The following MIA2 variants were observed in gnomAD, a reference collection of about 807,000 sequenced individuals.
MIA2 encodes the protein melanoma inhibitory activity protein 2.
Under a neutral mutation model 167.8 loss-of-function variants are expected in MIA2, and 127 were observed. The observed-to-expected ratio is 0.76, with a 90% CI of 0.66 to 0.88. The LOEUF (loss-of-function observed/expected upper bound fraction) is 0.88. Among genes scored for constraint, MIA2 ranks in the 40% least tolerant of loss-of-function variants. The pLI, the probability that MIA2 is intolerant of heterozygous loss-of-function variation, is 0.00. For synonymous variants in MIA2, 552 were observed against 541.9 expected (o/e 1.02, Z -0.26); for missense variants, 1,690 against 1,624.7 (o/e 1.04, Z -0.69).
intron 6 of MIA2, chr14:39,253,468 G>A (rs1371931030): frequency 4.0e-5 from 16 of 403,650 alleles, no homozygotes; most frequent in Non-Finnish European, 5.3e-5. Context: ...AGTTAACTCA[G>A]GAATAATAGG....
chr14:39,325,251 T>C (rs920140991), intron 24 of MIA2, among the ~76,000 whole-genome samples: 2 of 151,930 alleles, frequency 1.3e-5, no homozygotes, highest in Non-Finnish European at 2.9e-5. Context: ...TTTTTAAAGC[T>C]GTTCCTTGAG....
At chr14:39,248,378 A>G (rs1443330882) in intron 4 of MIA2, among the ~76,000 whole-genome samples, 5 of 152,082 alleles carry the variant, frequency 3.3e-5, no homozygotes, top group Admixed American at 3.3e-4. Context: ...GTATTTTACA[A>G]TAAATTTTAA....
intron 6 of MIA2, among the ~76,000 whole-genome samples, chr14:39,274,309 GTGTTA>G (rs1315500445): frequency 7.2e-5 from 11 of 152,062 alleles, no homozygotes; most frequent in African/African-American, 1.9e-4. Flanking sequence ...GTGAGATAGG[GTGTTA>G]TGTTGTAGAT....
intron 6 of MIA2, chr14:39,266,624 A>G (rs1200458846): frequency 2.0e-6 from 2 of 985,392 alleles, no homozygotes; most frequent in Non-Finnish European, 1.2e-6. Context: ...TCTAAAGTCC[A>G]AAGTCCGGAC....
At chr14:39,310,606 A>G (rs1210866295) in intron 18 of MIA2, among the ~76,000 whole-genome samples, 1 of 152,206 alleles carries the variant, frequency 6.6e-6, no homozygotes, top group African/African-American at 2.4e-5. Flanking sequence ...AGGAGCAGTG[A>G]TCTAGTATTT....
chr14:39,336,226 T>C (rs2070378965), intron 25 of MIA2, among the ~76,000 whole-genome samples: 1 of 152,240 alleles, frequency 6.6e-6, no homozygotes, highest in African/African-American at 2.4e-5. Context: ...TCCAACAGTG[T>C]ATAAGCATTC....
intron 27 of MIA2, among the ~76,000 whole-genome samples, 176 bp downstream of exon 27, chr14:39,347,947 G>A (rs569440987): frequency 6.6e-5 from 10 of 151,680 alleles, no homozygotes; most frequent in African/African-American, 1.2e-4. Context: ...TGAGTAGCTG[G>A]GACTACAGGC....
chr14:39,279,526 G>T lies in MIA2; in HGVS notation c.2119G>T (p.Val707Phe). 1.9e-6 allele frequency: 3 copies of T among 1,598,730 alleles called. No individual in the cohort carries two copies. Among genetic ancestry groups the T allele is most frequent in the Non-Finnish European group, 2.6e-6 (3 of 1,171,796 alleles). ...KSKLLEKFSL[V>F]QKEYEGYEVE... ...TAAACTACTTGAAAAATTTAGCCTT[G>T]TTCAAAAAGAGGTAAGATATTTTTG... is the stretch of plus-strand genomic sequence containing the variant. Residue 707 changes from valine (V) to phenylalanine (F), a missense_variant, in exon 9 of 29, where the codon GTT becomes TTT. Val to Phe is a conservative substitution (Grantham distance 50). Coordinates refer to ENST00000640607, the MANE Select transcript of MIA2 (RefSeq NM_001329214.4).
At chr14:39,282,574 ATTTTC>A (rs771835587) in intron 9 of MIA2, among the ~76,000 whole-genome samples, 3 of 151,600 alleles carry the variant, frequency 2.0e-5, no homozygotes, top group African/African-American at 4.9e-5. Flanking sequence ...CATCCCATAT[ATTTTC>A]TTTTCTTTTA....
chr14:39,297,273 G>C (rs2061560246), intron 13 of MIA2, among the ~76,000 whole-genome samples: 1 of 150,924 alleles, frequency 6.6e-6, no homozygotes, highest in South Asian at 2.1e-4. Flanking sequence ...TATGTTTTTA[G>C]TAGAGATGGG....
intron 20 of MIA2, chr14:39,315,091 T>C: frequency 4.4e-6 from 1 of 227,138 alleles, no homozygotes; most frequent in Non-Finnish European, 7.8e-6. Flanking sequence ...GAGACCAGCC[T>C]GGATAACATG....
chr14:39,248,071 A>T lies in MIA2; in HGVS notation c.1497A>T (p.Glu499Asp). Residue 499 changes from glutamate (E) to aspartate (D), a missense_variant, in exon 4 of 29, where the codon GAA (glutamate) becomes GAT (aspartate). Coordinates refer to ENST00000640607, the MANE Select transcript of MIA2 (RefSeq NM_001329214.4). ...NNVIENEETG[E>D]FSIDNYPTDN... ...TAATTGAAAATGAAGAAACTGGAGAATTTTCCATTGATAATTATCCCACAG... is the reference window on the plus strand; with the variant it reads ...TAATTGAAAATGAAGAAACTGGAGATTTTTCCATTGATAATTATCCCACAG... 1 of 1,566,688 alleles carries T rather than the reference A, an allele frequency of 6.4e-7. No homozygotes were observed. Among genetic ancestry groups the T allele is most frequent in the Non-Finnish European group, 8.6e-7 (1 of 1,164,364 alleles).
intron 25 of MIA2, among the ~76,000 whole-genome samples, chr14:39,327,615 C>T (rs1231302963): frequency 7.2e-6 from 1 of 139,582 alleles, no homozygotes; most frequent in Admixed American, 7.2e-5. Context: ...GCTATCCTCC[C>T]CTGGCCCCCC....
At chr14:39,340,178 A>G (rs919611624) in intron 25 of MIA2, among the ~76,000 whole-genome samples, 3 of 152,066 alleles carry the variant, frequency 2.0e-5, no homozygotes, top group African/African-American at 7.2e-5. Context: ...CCTAGTTTTC[A>G]TTGTTTAAAA....
At chr14:39,306,138 TG>T (rs2063309569) in intron 17 of MIA2, among the ~76,000 whole-genome samples, 2 of 152,126 alleles carry the variant, frequency 1.3e-5, no homozygotes, top group African/African-American at 4.8e-5. Context: ...AAAATTTCTG[TG>T]GAAAGATAGT....
chr14:39,263,526 T>C (rs955808102), intron 6 of MIA2, among the ~76,000 whole-genome samples: 2 of 151,824 alleles, frequency 1.3e-5, no homozygotes, highest in Admixed American at 6.6e-5. Flanking sequence ...TGAGCCATCA[T>C]GCCCAGCATC....
intron 14 of MIA2, among the ~76,000 whole-genome samples, chr14:39,300,935 C>T (rs2062314868): frequency 1.4e-5 from 1 of 73,442 alleles, no homozygotes; most frequent in Non-Finnish European, 3.0e-5. Context: ...TATACACACA[C>T]ATATATACAT....
intron 23 of MIA2, among the ~76,000 whole-genome samples, chr14:39,363,088 GT>G (rs1182802921): frequency 6.6e-6 from 1 of 152,168 alleles, no homozygotes; most frequent in Non-Finnish European, 1.5e-5. Context: ...ATTTGGTATA[GT>G]TTCAAGTATT....
chr14:39,320,834 G>C, intron 23 of MIA2, 94 bp from the exon 24 acceptor site: 1 of 1,362,894 alleles, frequency 7.3e-7, no homozygotes, highest in South Asian at 1.3e-5. Context: ...TTGGCAATAG[G>C]ATGACCTGAT....
Sources: gnomAD v4.1 joint callset for allele counts (sites outside exome capture counted in the v4.1 genomes callset) on GRCh38, gnomAD v4.1.1 for gene constraint, MANE v1.5 for transcripts, NCBI Gene and HGNC (gene_info 2026-07-23, HGNC 2026-07-21) for gene names.